The following PCBP3 variants were observed in gnomAD, a reference collection of about 807,000 sequenced individuals.
PCBP3 encodes poly(rC) binding protein 3, also known as poly(rC)-binding protein 3.
A neutral mutation model predicts 52.7 loss-of-function variants in PCBP3; 25 were observed. The observed-to-expected ratio is 0.47, with a 90% CI of 0.35 to 0.66. The LOEUF is 0.66. Ranked by LOEUF, PCBP3 falls within the 30% of genes least tolerant of loss-of-function variation. The pLI, the probability that PCBP3 is intolerant of heterozygous loss-of-function variation, is 0.01. For missense variants in PCBP3, 391 were observed against 490.3 expected, an observed-to-expected ratio of 0.80 and a Z score of 1.91; for synonymous variants, 162 against 183.0, an observed-to-expected ratio of 0.89 and a Z score of 0.93.
intron 1 of PCBP3, among the ~76,000 whole-genome samples, chr21:45,667,169 T>C (rs1202345788): frequency 6.6e-6 from 1 of 151,204 alleles, no homozygotes; most frequent in Non-Finnish European, 1.5e-5. Context: ...TTCATTCATT[T>C]ATTCATTCAT....
In PCBP3 at chr21:45,917,275, A is replaced by G. The variant is rs941779370; in HGVS notation, c.676-313A>G. On this transcript the variant is annotated intron_variant, in intron 12 of 17. Transcript: ENST00000681687. The surrounding 1 kb of genome is among the most constrained non-coding windows in gnomAD (Gnocchi z 5.3). Reference sequence around the variant, plus strand: ...CCGTAATAATTAGTGGAGACCTCTTACTGGGCAGATCACTCTTCGATTCTT... The same window carrying G: ...CCGTAATAATTAGTGGAGACCTCTTGCTGGGCAGATCACTCTTCGATTCTT... 6.1e-6 allele frequency: 2 copies of G among 327,074 alleles called. No homozygotes were observed. Among genetic ancestry groups the G allele is most frequent in the African/African-American group, 4.3e-5 (2 of 46,706 alleles). The allele number at this position is 327,074 out of a possible 1,614,324, so 20.3% of individuals were successfully genotyped here.
chr21:45,851,799 C>A (rs2094017348), intron 5 of PCBP3, among the ~76,000 whole-genome samples: 1 of 152,098 alleles, frequency 6.6e-6, no homozygotes, highest in Non-Finnish European at 1.5e-5. Flanking sequence ...CTTGGATAAG[C>A]CAATAATACT....
At chr21:45,696,147 T>C (rs2082761405) in intron 2 of PCBP3, among the ~76,000 whole-genome samples, 2 of 127,226 alleles carry the variant, frequency 1.6e-5, no homozygotes, top group Admixed American at 7.9e-5. Flanking sequence ...TGGACATACA[T>C]ACGGAAAACA....
chr21:45,654,619 G>A (rs1265621786), intron 1 of PCBP3, among the ~76,000 whole-genome samples: 7 of 152,220 alleles, frequency 4.6e-5, no homozygotes, highest in South Asian at 2.1e-4. Context: ...GATTATAGGC[G>A]TGAGCCACCG....
chr21:45,870,010 TTATC>T (rs1222227866), intron 5 of PCBP3, among the ~76,000 whole-genome samples: 1 of 152,236 alleles, frequency 6.6e-6, no homozygotes, highest in African/African-American at 2.4e-5. Flanking sequence ...TGTATGTTTC[TTATC>T]TAAGTTATCT....
At chr21:45,792,464 T>C (rs1208052006) in intron 4 of PCBP3, among the ~76,000 whole-genome samples, 1 of 152,244 alleles carries the variant, frequency 6.6e-6, no homozygotes, top group African/African-American at 2.4e-5. Context: ...AATAGAGTTT[T>C]CTTTTTTAAA....
intron 2 of PCBP3, among the ~76,000 whole-genome samples, chr21:45,720,514 A>G (rs2084553369): frequency 6.6e-6 from 1 of 152,260 alleles, no homozygotes; most frequent in Non-Finnish European, 1.5e-5. Flanking sequence ...AGTATAATAA[A>G]AAAGTAATAA....
At chr21:45,706,395 G>A (rs35943749) in intron 2 of PCBP3, among the ~76,000 whole-genome samples, 7,773 of 152,178 alleles carry the variant, frequency 0.051, 269 homozygotes, top group Non-Finnish European at 0.08. Context: ...ACACATTGGG[G>A]TGTGACAGGA....
At chr21:45,774,556 G>A (rs558137992) in intron 4 of PCBP3, among the ~76,000 whole-genome samples, 68 of 152,180 alleles carry the variant, frequency 4.5e-4, no homozygotes, top group Admixed American at 4.4e-3. Flanking sequence ...CCAGTATTAT[G>A]TTGAATAGGA....
At chr21:45,671,892 A>G (rs778025882) in intron 2 of PCBP3, among the ~76,000 whole-genome samples, 1 of 151,956 alleles carries the variant, frequency 6.6e-6, no homozygotes, top group Non-Finnish European at 1.5e-5. Context: ...TTCACCTTCT[A>G]TTCTGGGAGT....
rs771482055 is a variant in PCBP3 at position 45,865,515 on chromosome 21, A to G, written c.10+15420A>G. Reference sequence around the variant, plus strand: ...GTGATGTCCCCTTTGTACTTCTCAGAAGAACCTCCGTGCCTCCCGCCCCAT... The same window carrying G: ...GTGATGTCCCCTTTGTACTTCTCAGGAGAACCTCCGTGCCTCCCGCCCCAT... On this transcript the variant is annotated intron_variant, in intron 5 of 17. Coordinates refer to ENST00000681687, the MANE Select transcript of PCBP3 (RefSeq NM_001384156.1). Among the ~76,000 whole-genome samples, 176 of 152,340 alleles carry G rather than the reference A, an allele frequency of 1.2e-3. 1 individual carries two copies. The highest frequency in any genetic ancestry group is 1.6e-3 in the Non-Finnish European group (107 of 68,026).
chr21:45,921,549 C>T (rs183913922), intron 13 of PCBP3, among the ~76,000 whole-genome samples: 12 of 152,358 alleles, frequency 7.9e-5, no homozygotes, highest in Non-Finnish European at 1.3e-4. Context: ...GGTGTGGTAG[C>T]TCAAGCCTGT....
chr21:45,654,117 CAA>C (rs2079861147), intron 1 of PCBP3, among the ~76,000 whole-genome samples: 1 of 151,930 alleles, frequency 6.6e-6, no homozygotes, highest in Non-Finnish European at 1.5e-5. Context: ...ATTATATTAA[CAA>C]TATTGGTATT....
chr21:45,676,705 A>G (rs2081490653), intron 2 of PCBP3, among the ~76,000 whole-genome samples: 1 of 152,162 alleles, frequency 6.6e-6, no homozygotes, highest in African/African-American at 2.4e-5. Flanking sequence ...TGGGCCAATT[A>G]ATAACCCTTC....
intron 2 of PCBP3, among the ~76,000 whole-genome samples, chr21:45,678,037 A>T (rs1339340245): frequency 1.3e-5 from 2 of 152,180 alleles, no homozygotes; most frequent in Non-Finnish European, 2.9e-5. Flanking sequence ...TTCAAGTGTT[A>T]CTACTTAAGA....
At chr21:45,833,064 G>A (rs1321716873) in intron 4 of PCBP3, among the ~76,000 whole-genome samples, 4 of 152,150 alleles carry the variant, frequency 2.6e-5, no homozygotes, top group Non-Finnish European at 1.5e-5. Flanking sequence ...TGGAGACACA[G>A]CCAAACCATA....
chr21:45,707,345 G>A (rs527296855), intron 2 of PCBP3, among the ~76,000 whole-genome samples: 22 of 151,986 alleles, frequency 1.4e-4, no homozygotes, highest in East Asian at 1.9e-4. Flanking sequence ...GTGAAACCCC[G>A]TCTCTATTAA....
At position 45,928,395 on chromosome 21, in the gene PCBP3, GC is replaced by G. The variant is rs1195641022; in HGVS notation, c.718-1516del. Among the ~76,000 whole-genome samples the G allele has an allele frequency of 1.3e-5, 2 of 152,170 alleles. No individual in the cohort carries two copies. Among genetic ancestry groups the G allele is most frequent in the Admixed American group, 6.5e-5 (1 of 15,284 alleles). On this transcript the variant is annotated intron_variant, in intron 13 of 17. Coordinates refer to ENST00000681687, the MANE Select transcript of PCBP3 (RefSeq NM_001384156.1). This position sits in a 1 kb window ranked among gnomAD's most constrained non-coding sequence, Gnocchi z 4.1. ...GGGGAGGGGCAGGGCTGGGGAGCAG[GC>G]CCCCCGATCCTCCCAGGGTACTAGG...
chr21:45,781,291 A>T (rs538844782), intron 4 of PCBP3, among the ~76,000 whole-genome samples: 2 of 152,358 alleles, frequency 1.3e-5, no homozygotes, highest in South Asian at 4.1e-4. Context: ...AATGTATCTA[A>T]CATGTGTAAA....
Sources: allele counts gnomAD v4.1 joint callset (sites outside exome capture counted in the v4.1 genomes callset), GRCh38; gene constraint gnomAD v4.1.1; non-coding constraint Gnocchi (gnomAD v3.1); transcripts MANE v1.5; gene names NCBI Gene and HGNC (gene_info 2026-07-23, HGNC 2026-07-21).